Variants in OR3A2 observed in about 807,000 individuals in gnomAD.
The protein encoded by OR3A2 is olfactory receptor family 3 subfamily A member 2.
For missense variants in OR3A2, 318 were observed against 392.8 expected (o/e 0.81, Z 1.61); for synonymous variants, 126 against 159.3 (o/e 0.79, Z 1.57).
chr17:3,316,320 T>G (rs1260856229), intron 3 of OR3A2, among the ~76,000 whole-genome samples: 1 of 152,216 alleles, frequency 6.6e-6, no homozygotes, highest in Non-Finnish European at 1.5e-5. Flanking sequence ...TCAACACATC[T>G]GTGAACTGTT....
chr17:3,367,601 G>GTGTGTA lies in OR3A2; in HGVS notation c.-179+16202_-179+16203insTACACA, dbSNP rs1555530074. On this transcript the variant is annotated intron_variant, in intron 2 of 4. Transcript: ENST00000573491. ...TGTATATGTATATGTGTGTGTGTGTGTATATATATATATATATATATGCCA... is the reference window on the plus strand; with the variant it reads ...TGTATATGTATATGTGTGTGTGTGTGTGTGTATATATATATATATATATATATGCCA... Among the ~76,000 whole-genome samples the GTGTGTA allele has an allele frequency of 6.5e-5, 8 of 122,538 alleles. No homozygotes were observed. The East Asian group carries it at 8.9e-4, about 14-fold the overall frequency. The allele number at this position is 122,538 out of a possible 152,430, so 80.4% of individuals were successfully genotyped here.
chr17:3,332,689 C>G (rs909094095), intron 3 of OR3A2, among the ~76,000 whole-genome samples: 1 of 152,224 alleles, frequency 6.6e-6, no homozygotes, highest in Admixed American at 6.5e-5. Context: ...GAGCTGTAGA[C>G]CAGAGCTGTT....
chr17:3,365,357 GTTGT>G (rs1482715029), intron 2 of OR3A2, among the ~76,000 whole-genome samples: 4 of 152,138 alleles, frequency 2.6e-5, no homozygotes, highest in Non-Finnish European at 2.9e-5. Context: ...ACTTTTTGTT[GTTGT>G]TTGAGGAAAT....
chr17:3,302,895 G>A (rs2048975987), intron 3 of OR3A2, among the ~76,000 whole-genome samples: 1 of 152,132 alleles, frequency 6.6e-6, no homozygotes, highest in South Asian at 2.1e-4. Flanking sequence ...GCCACCCACA[G>A]TACAACTTTC....
intron 2 of OR3A2, among the ~76,000 whole-genome samples, chr17:3,356,781 C>T (rs536157646): frequency 4.2e-4 from 63 of 151,680 alleles, no homozygotes; most frequent in South Asian, 1.0e-3. Flanking sequence ...AAGATAAATA[C>T]GCTCTTAAGT....
chr17:3,385,894 C>T (rs1022316977), intron 1 of OR3A2: 26 of 398,566 alleles, frequency 6.5e-5, no homozygotes, highest in African/African-American at 4.9e-4. Flanking sequence ...GCTGCCTCCT[C>T]CCTCCCCTCG....
intron 3 of OR3A2, among the ~76,000 whole-genome samples, chr17:3,302,507 G>A (rs1178727219): frequency 6.6e-6 from 1 of 152,104 alleles, no homozygotes; most frequent in East Asian, 1.9e-4. Context: ...AATGGTGCTG[G>A]GAAAACTGGC....
rs557273228 is a variant in OR3A2 at position 3,353,768 on chromosome 17, T to A, written c.-178-17642A>T. On this transcript the variant is annotated intron_variant, in intron 2 of 4. Transcript: ENST00000573491. ...CGTGCAAAGTGAAATAAGCACATCA[T>A]GGAAAATAGGGTGTCCATCACCTCA... Among the ~76,000 whole-genome samples the A allele has an allele frequency of 7.9e-5, 12 of 151,948 alleles. No homozygotes were observed. The South Asian group carries it at 1.2e-3, about 16-fold the overall frequency.
chr17:3,284,521 T>G (rs1328814861), upstream of OR3A2: 6 of 149,878 alleles, frequency 4.0e-5, no homozygotes, highest in African/African-American at 1.5e-4. Context: ...ACTACAGCAT[T>G]CTCCTCTGGG....
At chr17:3,321,575 A>G (rs1651427409) in intron 3 of OR3A2, among the ~76,000 whole-genome samples, 1 of 152,158 alleles carries the variant, frequency 6.6e-6, no homozygotes, top group South Asian at 2.1e-4. Flanking sequence ...ATTTATTGAG[A>G]GTTTTTAGCA....
intron 2 of OR3A2, among the ~76,000 whole-genome samples, chr17:3,375,508 G>C (rs577217592): frequency 6.6e-6 from 1 of 151,622 alleles, no homozygotes; most frequent in Non-Finnish European, 1.5e-5. Flanking sequence ...CACCATGATG[G>C]TCAGGCTGGT....
chr17:3,347,608 T>C (rs1299284932), intron 2 of OR3A2, among the ~76,000 whole-genome samples: 3 of 152,224 alleles, frequency 2.0e-5, no homozygotes, highest in Non-Finnish European at 2.9e-5. Context: ...TATTCCATGG[T>C]GTATATCTGC....
intron 2 of OR3A2, among the ~76,000 whole-genome samples, chr17:3,348,513 A>C (rs2049389939): frequency 6.6e-6 from 1 of 152,222 alleles, no homozygotes; most frequent in African/African-American, 2.4e-5. Context: ...AAAGCCTCCA[A>C]GAAATATGGG....
At chr17:3,322,157 C>T (rs373440721) in intron 3 of OR3A2, among the ~76,000 whole-genome samples, 24,449 of 151,952 alleles carry the variant, frequency 0.16, 2,703 homozygotes, top group Non-Finnish European at 0.25. Flanking sequence ...AGTTTATTTG[C>T]GTAGAGGTGT....
At chr17:3,371,479 C>G (rs1277470397) in intron 2 of OR3A2, among the ~76,000 whole-genome samples, 2 of 141,334 alleles carry the variant, frequency 1.4e-5, no homozygotes, top group Non-Finnish European at 3.1e-5. Flanking sequence ...GGCTGATCCC[C>G]CCACCTCCCT....
chr17:3,375,263 A>T (rs528500050), intron 2 of OR3A2, among the ~76,000 whole-genome samples: 1 of 47,640 alleles, frequency 2.1e-5, no homozygotes, highest in Non-Finnish European at 4.4e-5. Flanking sequence ...TTTTTGAGAT[A>T]GTCTCACTTG....
chr17:3,367,521 G>A (rs1258896703), intron 2 of OR3A2, among the ~76,000 whole-genome samples: 2 of 150,502 alleles, frequency 1.3e-5, no homozygotes, highest in African/African-American at 4.9e-5. Flanking sequence ...CTCCATCCAG[G>A]TTGCTGCAAA....
At chr17:3,353,912 C>CT (rs558898146) in intron 2 of OR3A2, among the ~76,000 whole-genome samples, 14 of 120,950 alleles carry the variant, frequency 1.2e-4, no homozygotes, top group Admixed American at 5.7e-4. Flanking sequence ...CTTATTCATC[C>CT]ATTTTTTTTT....
intron 2 of OR3A2, among the ~76,000 whole-genome samples, chr17:3,358,101 A>T (rs533131977): frequency 6.6e-6 from 1 of 151,674 alleles, no homozygotes; most frequent in Non-Finnish European, 1.5e-5. Context: ...GCCTAGGAGG[A>T]CATCAGTGGA....
Sources: allele counts gnomAD v4.1 joint callset (sites outside exome capture counted in the v4.1 genomes callset), GRCh38; gene constraint gnomAD v4.1.1; transcripts MANE v1.5; gene names NCBI Gene and HGNC (gene_info 2026-07-23, HGNC 2026-07-21).